The following ARHGAP4 variants were observed in gnomAD, a reference collection of about 807,000 sequenced individuals.
The protein encoded by ARHGAP4 is Rho GTPase activating protein 4.
In ARHGAP4, 25 loss-of-function variants were observed where a neutral mutation model predicts 67.6. That is an observed-to-expected ratio of 0.37 (90% confidence interval 0.27 to 0.52). The LOEUF is 0.52. Ranked by LOEUF, ARHGAP4 falls within the 20% of genes least tolerant of loss-of-function variation. ARHGAP4 has a pLI of 0.92. For missense variants in ARHGAP4, 804 were observed against 854.6 expected, an observed-to-expected ratio of 0.94 and a Z score of 0.74; for synonymous variants, 448 against 373.7, an observed-to-expected ratio of 1.20 and a Z score of -2.29.
chrX:153,925,413 C>T (rs1262785514), intron 1 of ARHGAP4, among the ~76,000 whole-genome samples: 1 of 112,157 alleles, frequency 8.9e-6, no homozygotes, highest in African/African-American at 3.2e-5. Context: ...GTGATATGGA[C>T]GAGCTGCTGG....
rs781999171 is a variant in ARHGAP4 at position 153,907,698 on chromosome X, G to A, written c.*31C>T. On this transcript the variant is annotated 3_prime_UTR_variant, in exon 22 of 22. Transcript: ENST00000350060. Reference sequence around the variant, plus strand: ...AGAGTGGCCGGTCCAGCGGGTAGCCGCCGGGGGCACGCATCTCCAGCAGCG... The same window carrying A: ...AGAGTGGCCGGTCCAGCGGGTAGCCACCGGGGGCACGCATCTCCAGCAGCG... 5 of 841,642 alleles carry A rather than the reference G, an allele frequency of 5.9e-6. No homozygotes were observed. In the Admixed American group the frequency reaches 1.5e-4, roughly 26 times the overall value. The allele number at this position is 841,642 out of a possible 1,213,427, so 69.4% of individuals were successfully genotyped here.
At chrX:153,922,567 G>T in intron 1 of ARHGAP4, 1 of 324,453 alleles carries the variant, frequency 3.1e-6, no homozygotes, top group Non-Finnish European at 4.0e-6. Flanking sequence ...TGGCAACGCT[G>T]CTTCCCCCAC....
chrX:153,923,583 G>A (rs1557105713), intron 1 of ARHGAP4, among the ~76,000 whole-genome samples: 2 of 112,276 alleles, frequency 1.8e-5, no homozygotes, highest in Non-Finnish European at 3.8e-5. Context: ...AGATCAAGCT[G>A]GGTAAGTGGA....
At chrX:153,918,165 T>C (rs1166509724) in intron 7 of ARHGAP4, among the ~76,000 whole-genome samples, 1 of 112,874 alleles carries the variant, frequency 8.9e-6, no homozygotes, top group Non-Finnish European at 1.9e-5. Flanking sequence ...ATTTAAACAT[T>C]GAATGTTAAT....
At chrX:153,914,041 T>G in intron 7 of ARHGAP4, 162 bp from the exon 8 acceptor site, 1 of 462,567 alleles carries the variant, frequency 2.2e-6, no homozygotes, top group Non-Finnish European at 3.7e-6. Flanking sequence ...TGAACACACG[T>G]GTCCAAACCA....
In ARHGAP4 at chrX:153,907,835, C is replaced by A; in HGVS notation, c.2735G>T (p.Ser912Ile). 6.9e-6 allele frequency: 7 copies of A among 1,012,169 alleles called. No homozygotes were observed. Among genetic ancestry groups the A allele is most frequent in the Non-Finnish European group, 8.9e-6 (7 of 789,122 alleles). The allele number at this position is 1,012,169 out of a possible 1,213,427, so 83.4% of individuals were successfully genotyped here. A position where few individuals can be genotyped will look rare whatever the true frequency, so the allele number is the denominator to read the frequency against. The change falls in exon 22 of 22, where the codon AGC (serine) becomes ATC (isoleucine). Residue 912 changes from serine (S) to isoleucine (I), a missense_variant. Ser to Ile is a moderately radical substitution (Grantham distance 142). This residue lies in a region of ARHGAP4 where 400 missense variants were observed against 348.7 expected (regional missense o/e 1.15). Transcript: ENST00000350060. ...GCCTTTGTTCCTGCCCAGGCGGCTG[C>A]TGGGCGGGGCCTTTGGGCTTCGGGG... ...PGPRSPKAPP[S>I]SRLGRNKGFS...
rs782632530 is a variant in ARHGAP4, at chrX:153,909,849, C to A, written c.2306G>T (p.Arg769Leu). The change falls in exon 19 of 22, where the codon CGG (arginine) becomes CTG (leucine). Residue 769 changes from arginine (R) to leucine (L), a missense_variant. Transcript: ENST00000350060. ...GRTAQELSFR[R>L]GDVLRLHERA... ...CTCGTGCAGCCGCAGTACGTCCCCC[C>A]GCCGGAAGCTCAGCTCCTGGGCTGT... is the stretch of plus-strand genomic sequence containing the variant. 1.7e-6 allele frequency: 2 copies of A among 1,202,783 alleles called. No homozygotes were observed. The highest frequency in any genetic ancestry group is 2.2e-6 in the Non-Finnish European group (2 of 891,685).
intron 1 of ARHGAP4, chrX:153,922,236 G>A: frequency 1.2e-6 from 1 of 826,981 alleles, no homozygotes; most frequent in East Asian, 9.7e-5. Flanking sequence ...AGCCTCCCTT[G>A]CAAACACACG....
chrX:153,911,953 C>T (rs1162858630), intron 12 of ARHGAP4, among the ~76,000 whole-genome samples: 6 of 110,660 alleles, frequency 5.4e-5, no homozygotes, highest in Admixed American at 1.9e-4. Flanking sequence ...TCAAAGTGCT[C>T]GTTTAAAGAA....
chrX:153,924,602 C>G (rs1557105859), intron 1 of ARHGAP4, among the ~76,000 whole-genome samples: 1 of 111,844 alleles, frequency 8.9e-6, no homozygotes, highest in African/African-American at 3.3e-5. Context: ...CATTTGAAAT[C>G]AGGGGAGTCC....
Position 153,920,636 on chromosome X carries a change from A to T in ARHGAP4, c.671T>A (p.Leu224Gln), listed in dbSNP as rs1448403684. ...RKSSLKKGGR[L>Q]VEKRQAKFME... Reference sequence around the variant, plus strand: ...GCCCTCCAGGCCCACCTTCTCCACCAGCCTCCCTCCCTTCTTGAGGGAGCT... The same window carrying T: ...GCCCTCCAGGCCCACCTTCTCCACCTGCCTCCCTCCCTTCTTGAGGGAGCT... Residue 224 changes from leucine (L) to glutamine (Q), a missense_variant, in exon 5 of 22, where the codon CTG (leucine) becomes CAG (glutamine). By Grantham distance (113) the Leu-to-Gln change is moderately radical. Around this residue, in one of 2 missense-constraint regions of ARHGAP4, gnomAD observed 404 missense variants for 505.9 expected, o/e 0.80. Transcript: ENST00000350060. 4 of 1,202,949 alleles carry T rather than the reference A, an allele frequency of 3.3e-6. No individual in the cohort carries two copies. The highest frequency in any genetic ancestry group is 3.4e-6 in the Non-Finnish European group (3 of 891,277).
At chrX:153,923,616 G>A (rs962778022) in intron 1 of ARHGAP4, among the ~76,000 whole-genome samples, 8 of 112,475 alleles carry the variant, frequency 7.1e-5, no homozygotes, top group African/African-American at 2.6e-4. Flanking sequence ...GGGACCTCCC[G>A]ACAGAGCAGG....
chrX:153,908,521 T>TC (rs2064989764), intron 21 of ARHGAP4, among the ~76,000 whole-genome samples: 1 of 110,292 alleles, frequency 9.1e-6, no homozygotes, highest in Non-Finnish European at 1.9e-5. Flanking sequence ...CGGAGCAGGG[T>TC]CCCCCAGGTT....
chrX:153,913,690 G>A, intron 8 of ARHGAP4, 88 bp downstream of exon 8: 14 of 1,166,474 alleles, frequency 1.2e-5, no homozygotes, highest in Non-Finnish European at 1.5e-5. Flanking sequence ...CCAAAGGGAG[G>A]GGGGCAGGCA....
intron 5 of ARHGAP4, 156 bp from the exon 6 acceptor site, chrX:153,919,439 C>G: frequency 8.9e-7 from 1 of 1,126,457 alleles, no homozygotes; most frequent in Non-Finnish European, 1.2e-6. Flanking sequence ...ACGCCACAGT[C>G]CACAGTGTGC....
chrX:153,909,750 A>G lies in ARHGAP4; in HGVS notation c.2405T>C (p.Leu802Pro). ...GGCGCGGCTCACTCACCCGGCGGGC[A>G]GCGTGATATACTTGTGGGGGATGAG... ...RGLIPHKYIT[L>P]PAGTEKQVVG... Residue 802 changes from leucine to proline, a missense_variant, in exon 19 of 22, where the codon CTG becomes CCG. By Grantham distance (98) the Leu-to-Pro change is moderately conservative (BLOSUM62 -3). Transcript: ENST00000350060. The G allele has an allele frequency of 1.7e-6, 2 of 1,190,920 alleles. No homozygotes were observed. Among genetic ancestry groups the G allele is most frequent in the Non-Finnish European group, 2.3e-6 (2 of 885,655 alleles).
rs782744781 is a variant in ARHGAP4, at chrX:153,910,446, G to A, written c.1923-42C>T. On this transcript the variant is annotated intron_variant, in intron 16 of 21. Transcript: ENST00000350060. ...ATCACAAGCAGAGAGCCCGCACCCC[G>A]AGTCCCCCTGTCCCCTCGACCCCTG... 255 of 1,166,187 alleles carry A rather than the reference G, an allele frequency of 2.2e-4. 1 individual carries two copies. Among genetic ancestry groups the A allele is most frequent in the South Asian group, 1.1e-4 (6 of 52,650 alleles).
In ARHGAP4 at chrX:153,909,746, G is replaced by C; in HGVS notation, c.2409C>G (p.Pro803=). The stretch of plus-strand genomic sequence containing the variant: ...TGAGGGCGCGGCTCACTCACCCGGC[G>C]GGCAGCGTGATATACTTGTGGGGGA... The part of the protein sequence containing the change: ...GLIPHKYITL[P]AGTEKQVVGA... Residue 803 remains proline (P), a synonymous_variant, in exon 19 of 22, where the codon CCC becomes CCG. Transcript: ENST00000350060. 1.7e-6 allele frequency: 2 copies of C among 1,189,320 alleles called. No individual in the cohort carries two copies. Among genetic ancestry groups the C allele is most frequent in the South Asian group, 1.9e-5 (1 of 53,359 alleles).
At chrX:153,909,030 C>T (rs1557101977) in intron 21 of ARHGAP4, 40 bp downstream of exon 21, 2 of 1,176,542 alleles carry the variant, frequency 1.7e-6, no homozygotes, top group Non-Finnish European at 2.3e-6. Flanking sequence ...AGAGATCCCC[C>T]AGGACAGATG....
Sources: gnomAD v4.1 joint callset for allele counts (sites outside exome capture counted in the v4.1 genomes callset) on GRCh38, gnomAD v4.1.1 for gene constraint, gnomAD v4.1.1 regional missense constraint, MANE v1.5 for transcripts, NCBI Gene and HGNC (gene_info 2026-07-23, HGNC 2026-07-21) for gene names.